ASXL3: variants seen among roughly 807,000 people sequenced by gnomAD.
ASXL3 encodes the protein putative Polycomb group protein ASXL3.
ASXL3 carries 34 observed loss-of-function variants against 170.6 expected under a neutral mutation model. The observed-to-expected ratio is 0.20, with a 90% CI of 0.15 to 0.27. ASXL3 has a LOEUF of 0.27. ASXL3 is among the 10% of genes least tolerant of loss of function. The pLI is 1.00. For missense variants in ASXL3, 2,592 were observed against 2,695.3 expected (o/e 0.96, Z 0.85); for synonymous variants, 1,002 against 989.1 (o/e 1.01, Z -0.24).
intron 2 of ASXL3, among the ~76,000 whole-genome samples, chr18:33,629,494 A>C (rs1224216535): frequency 6.6e-6 from 1 of 152,104 alleles, no homozygotes; most frequent in Non-Finnish European, 1.5e-5. Context: ...AGTTCTCTAT[A>C]ATTTTAGCCA....
chr18:33,676,565 C>T (rs2066433911), intron 7 of ASXL3, among the ~76,000 whole-genome samples: 2 of 152,190 alleles, frequency 1.3e-5, no homozygotes, highest in South Asian at 4.2e-4. Flanking sequence ...CAATAGAAAA[C>T]ACTGTTCTGA....
At chr18:33,583,276 A>T (rs1167957594) in intron 1 of ASXL3, among the ~76,000 whole-genome samples, 8 of 152,192 alleles carry the variant, frequency 5.3e-5, no homozygotes, top group African/African-American at 1.9e-4. Context: ...AAGAATTTTG[A>T]CGTGTGATTT....
chr18:33,659,104 T>C (rs1419676284), intron 4 of ASXL3, among the ~76,000 whole-genome samples: 1 of 152,086 alleles, frequency 6.6e-6, no homozygotes, highest in African/African-American at 2.4e-5. Context: ...TGGTGAGCTA[T>C]GTAGCAGTTA....
At chr18:33,582,706 C>CTG (rs34434614) in intron 1 of ASXL3, among the ~76,000 whole-genome samples, 29,762 of 135,806 alleles carry the variant, frequency 0.22, 3,249 homozygotes, top group Non-Finnish European at 0.28. Flanking sequence ...TGGTTTTTTT[C>CTG]TGTGTGTGTG....
At chr18:33,656,167 C>A (rs755846348) in intron 4 of ASXL3, among the ~76,000 whole-genome samples, 49 of 152,044 alleles carry the variant, frequency 3.2e-4, no homozygotes, top group Admixed American at 1.8e-3. Context: ...AGTGTTATTC[C>A]TAATACACTA....
chr18:33,615,897 C>A (rs1005010450), intron 2 of ASXL3, among the ~76,000 whole-genome samples: 1 of 151,656 alleles, frequency 6.6e-6, no homozygotes, highest in East Asian at 2.0e-4. Context: ...TTTTTATATA[C>A]ATTTGGTTTT....
intron 6 of ASXL3, among the ~76,000 whole-genome samples, 181 bp downstream of exon 6, chr18:33,670,971 G>T (rs1568317689): frequency 1.3e-5 from 2 of 152,110 alleles, no homozygotes. Context: ...GTTCAGAAAA[G>T]AAAAAGGTAC....
chr18:33,622,213 T>C (rs1298402955), intron 2 of ASXL3, among the ~76,000 whole-genome samples: 1 of 152,170 alleles, frequency 6.6e-6, no homozygotes, highest in Non-Finnish European at 1.5e-5. Context: ...TCCAATATAA[T>C]TCAGAGCTAT....
At position 33,670,661 on chromosome 18, in the gene ASXL3, T is replaced by G; in HGVS notation, c.478-12T>G. On this transcript the variant is annotated splice_polypyrimidine_tract_variant and intron_variant, in intron 5 of 11. Coordinates refer to ENST00000269197, the MANE Select transcript of ASXL3 (RefSeq NM_030632.3). ...ATATTTTTATGTTATATCTTTTTAT[T>G]ATGTTTTGTAGGCTTTGAGGCAGCA... is the stretch of plus-strand genomic sequence containing the variant. 3 of 1,502,486 alleles carry G rather than the reference T, an allele frequency of 2.0e-6. No homozygotes were observed. The highest frequency in any genetic ancestry group is 2.7e-6 in the Non-Finnish European group (3 of 1,115,754). The allele number at this position is 1,502,486 out of a possible 1,614,324, so 93.1% of individuals were successfully genotyped here.
chr18:33,677,966 T>G (rs1313382920), intron 7 of ASXL3, among the ~76,000 whole-genome samples: 1 of 152,212 alleles, frequency 6.6e-6, no homozygotes, highest in Admixed American at 6.5e-5. Flanking sequence ...CATAGCTCAC[T>G]GCAGCCTCAA....
chr18:33,699,548 T>G (rs7232064), intron 8 of ASXL3, among the ~76,000 whole-genome samples: 74,446 of 151,900 alleles, frequency 0.49, 18,810 homozygotes, highest in East Asian at 0.86. Flanking sequence ...ACCGATGTGG[T>G]TCACTGGTGA....
At chr18:33,664,849 C>T (rs755073176) in intron 5 of ASXL3, among the ~76,000 whole-genome samples, 3 of 152,128 alleles carry the variant, frequency 2.0e-5, no homozygotes, top group African/African-American at 7.2e-5. Flanking sequence ...TTTTATTGCT[C>T]CCAAATATTT....
At chr18:33,679,667 A>G (rs979249552) in intron 7 of ASXL3, among the ~76,000 whole-genome samples, 1 of 152,128 alleles carries the variant, frequency 6.6e-6, no homozygotes, top group Admixed American at 6.5e-5. Flanking sequence ...TATGTGGGAA[A>G]GAGGGCGTTG....
chr18:33,595,200 A>T (rs1439022895), intron 1 of ASXL3, among the ~76,000 whole-genome samples: 1 of 152,198 alleles, frequency 6.6e-6, no homozygotes, highest in African/African-American at 2.4e-5. Flanking sequence ...AATTATTTAT[A>T]ACTTTGCCCG....
intron 9 of ASXL3, among the ~76,000 whole-genome samples, chr18:33,733,214 C>G (rs898029674): frequency 2.6e-5 from 4 of 152,094 alleles, no homozygotes; most frequent in Non-Finnish European, 5.9e-5. Flanking sequence ...TCCCCCTACT[C>G]CTTCCCCAGT....
chr18:33,629,777 TAAGGAAGATATTTCTGTAA>T (rs1231239783), intron 2 of ASXL3, among the ~76,000 whole-genome samples: 13 of 152,080 alleles, frequency 8.5e-5, no homozygotes. Flanking sequence ...CGTTTTTTCC[TAAGGAAGATATTTCTGTAA>T]AACAAAAGTA....
At chr18:33,657,101 A>G (rs933582251) in intron 4 of ASXL3, among the ~76,000 whole-genome samples, 1 of 152,102 alleles carries the variant, frequency 6.6e-6, no homozygotes, top group African/African-American at 2.4e-5. Context: ...GAATTTGTAC[A>G]CTAAATTCCA....
intron 8 of ASXL3, among the ~76,000 whole-genome samples, chr18:33,728,080 A>T (rs1369934812): frequency 2.6e-5 from 4 of 152,106 alleles, no homozygotes; most frequent in African/African-American, 9.7e-5. Flanking sequence ...TTTAATTACT[A>T]ACTAATCATG....
intron 11 of ASXL3, among the ~76,000 whole-genome samples, chr18:33,742,381 A>T (rs959944412): frequency 6.6e-6 from 1 of 152,206 alleles, no homozygotes; most frequent in African/African-American, 2.4e-5. Flanking sequence ...GTACACAATG[A>T]TTAGCCTAGG....
Sources: gnomAD v4.1 joint callset for allele counts (sites outside exome capture counted in the v4.1 genomes callset) on GRCh38, gnomAD v4.1.1 for gene constraint, MANE v1.5 for transcripts, NCBI Gene and HGNC (gene_info 2026-07-23, HGNC 2026-07-21) for gene names.